DAB2: variants seen among roughly 807,000 people sequenced by gnomAD.
The protein encoded by DAB2 is DAB adaptor protein 2.
DAB2 carries 28 observed loss-of-function variants against 71.6 expected under a neutral mutation model. That is an observed-to-expected ratio of 0.39 (90% CI 0.29 to 0.54). The LOEUF is 0.54. DAB2 is among the 20% of genes least tolerant of loss of function. The pLI is 0.68. For synonymous variants in DAB2, 345 were observed against 339.7 expected (o/e 1.02, Z -0.17); for missense variants, 867 against 928.8 (o/e 0.93, Z 0.86).
At position 39,424,912 on chromosome 5, in the gene DAB2, A is replaced by AG. The variant is rs1480139136; in HGVS notation, c.-211dup. The AG allele has an allele frequency of 1.3e-5, 2 of 152,262 alleles. No homozygotes were observed. The highest frequency in any genetic ancestry group is 4.8e-5 in the African/African-American group (2 of 41,310). 9.4% of individuals were successfully genotyped at this position (152,262 alleles called of 1,614,324 possible). On this transcript the variant is annotated 5_prime_UTR_variant, in exon 1 of 15. Coordinates refer to ENST00000320816, the MANE Select transcript of DAB2 (RefSeq NM_001343.4). Reference sequence around the variant, plus strand: ...CTCGCTTAAATAGCCGCCGGCCGGGAGCTTCGGAGCCGCGCGGCCACTCCC... The same window carrying AG: ...CTCGCTTAAATAGCCGCCGGCCGGGAGGCTTCGGAGCCGCGCGGCCACTCCC...
At chr5:39,376,419 T>A (rs1033231520) in intron 12 of DAB2, among the ~76,000 whole-genome samples, 4 of 152,124 alleles carry the variant, frequency 2.6e-5, no homozygotes, top group African/African-American at 7.2e-5. Context: ...GGCAGCCCTT[T>A]TAAGATTTAT....
At position 39,389,800 on chromosome 5, in the gene DAB2, C is replaced by A; in HGVS notation, c.543+52G>T. The A allele has an allele frequency of 1.1e-5, 12 of 1,073,236 alleles. No homozygotes were observed. The South Asian group carries it at 1.7e-4, about 15-fold the overall frequency. 66.5% of individuals were successfully genotyped at this position (1,073,236 alleles called of 1,614,324 possible). A position where few individuals can be genotyped will look rare whatever the true frequency, so the allele number is the denominator to read the frequency against. ...GTGCTGGGATTATAGGTGTGAGCCACCATGCCCAGCCAGTTTTAAATTTAA... is the reference window on the plus strand; with the variant it reads ...GTGCTGGGATTATAGGTGTGAGCCAACATGCCCAGCCAGTTTTAAATTTAA... On this transcript the variant is annotated intron_variant, in intron 6 of 14. Transcript: ENST00000320816.
At chr5:39,388,264 T>C in intron 9 of DAB2, 41 bp downstream of exon 9, 2 of 1,427,642 alleles carry the variant, frequency 1.4e-6, no homozygotes, top group Non-Finnish European at 2.0e-6. Flanking sequence ...GAGTTATAGA[T>C]GTCATTTTAT....
intron 1 of DAB2, among the ~76,000 whole-genome samples, chr5:39,411,215 T>C (rs752028175): frequency 2.6e-5 from 4 of 152,160 alleles, no homozygotes; most frequent in African/African-American, 4.8e-5. Context: ...CATATTTATA[T>C]TGAACTAAAA....
chr5:39,399,988 C>T (rs1260652113), intron 1 of DAB2, among the ~76,000 whole-genome samples: 1 of 152,124 alleles, frequency 6.6e-6, no homozygotes, highest in Non-Finnish European at 1.5e-5. Flanking sequence ...AAGTGTCAAC[C>T]ATCCTCCCCT....
chr5:39,399,888 T>C (rs1280818546), intron 1 of DAB2, among the ~76,000 whole-genome samples: 2 of 152,242 alleles, frequency 1.3e-5, no homozygotes, highest in African/African-American at 4.8e-5. Flanking sequence ...ACTTCTTATA[T>C]ATCCTTATCC....
chr5:39,405,635 G>A (rs146746092), intron 1 of DAB2, among the ~76,000 whole-genome samples: 6 of 152,316 alleles, frequency 3.9e-5, no homozygotes, highest in African/African-American at 9.6e-5. Context: ...ACAGTCTAGC[G>A]CATAGCATGC....
intron 1 of DAB2, among the ~76,000 whole-genome samples, chr5:39,405,438 T>C (rs2112088550): frequency 6.6e-6 from 1 of 152,332 alleles, no homozygotes; most frequent in Admixed American, 6.5e-5. Flanking sequence ...CATTGAAACT[T>C]CAGGGAAACT....
chr5:39,381,538 C>T lies in DAB2; in HGVS notation c.1420G>A (p.Gly474Arg), dbSNP rs780856259. The T allele has an allele frequency of 3.1e-6, 5 of 1,614,084 alleles. No homozygotes were observed. Among genetic ancestry groups the T allele is most frequent in the Admixed American group, 1.7e-5 (1 of 60,018 alleles). Residue 474 changes from glycine to arginine, a missense_variant, in exon 11 of 15, where the codon GGA becomes AGA. Around this residue, in one of 2 missense-constraint regions of DAB2, gnomAD observed 740 missense variants for 734.3 expected, o/e 1.01. Transcript: ENST00000320816. ...TTGGGCTGCAGGGCTGTAGGTTGTCCTGTGGGTGACGCCTGGCCTGAAGGT... is the reference window on the plus strand; with the variant it reads ...TTGGGCTGCAGGGCTGTAGGTTGTCTTGTGGGTGACGCCTGGCCTGAAGGT... ...SEPSGQASPT[G>R]QPTALQPNPL... is the part of the protein sequence containing the mutation.
At chr5:39,416,235 T>C (rs898453563) in intron 1 of DAB2, among the ~76,000 whole-genome samples, 4 of 152,136 alleles carry the variant, frequency 2.6e-5, no homozygotes, top group African/African-American at 4.8e-5. Context: ...TACTCCTTAA[T>C]ATATTTAAAA....
intron 1 of DAB2, among the ~76,000 whole-genome samples, chr5:39,396,651 T>C (rs1463216183): frequency 6.6e-6 from 1 of 152,244 alleles, no homozygotes; most frequent in Non-Finnish European, 1.5e-5. Context: ...AGGCAGTGAA[T>C]TATTCAGATG....
chr5:39,396,035 C>T (rs1006852846), intron 1 of DAB2, among the ~76,000 whole-genome samples: 6 of 149,288 alleles, frequency 4.0e-5, no homozygotes, highest in Admixed American at 6.7e-5. Flanking sequence ...CTCCACCTCC[C>T]GGGTTCAAGC....
intron 1 of DAB2, among the ~76,000 whole-genome samples, chr5:39,398,034 G>A (rs62358420): frequency 0.028 from 4,189 of 152,282 alleles, 86 homozygotes; most frequent in South Asian, 0.086. Context: ...TAGAATCACT[G>A]GCTGAAAAAG....
At chr5:39,389,011 G>A (rs1263010033) in intron 7 of DAB2, 86 bp downstream of exon 7, 10 of 1,366,488 alleles carry the variant, frequency 7.3e-6, no homozygotes, top group African/African-American at 7.2e-5. Context: ...TAATAAGCGA[G>A]GTGGCGAGAG....
chr5:39,386,783 C>T (rs1044170180), intron 9 of DAB2, among the ~76,000 whole-genome samples: 1 of 152,142 alleles, frequency 6.6e-6, no homozygotes, highest in Non-Finnish European at 1.5e-5. Context: ...TTGAATATTA[C>T]TTGTTTGAAT....
intron 1 of DAB2, chr5:39,417,272 T>C (rs1480563041): frequency 6.6e-6 from 1 of 150,852 alleles, no homozygotes; most frequent in African/African-American, 2.4e-5. Context: ...GTTCTCCACA[T>C]GTACCCCAGA....
chr5:39,395,448 C>G (rs983376267), intron 1 of DAB2, among the ~76,000 whole-genome samples: 1 of 152,156 alleles, frequency 6.6e-6, no homozygotes, highest in Admixed American at 6.5e-5. Context: ...AAGGACCAAG[C>G]CCACCACATG....
chr5:39,420,203 A>G (rs1755948064), intron 1 of DAB2, among the ~76,000 whole-genome samples: 1 of 152,246 alleles, frequency 6.6e-6, no homozygotes, highest in Admixed American at 6.5e-5. Context: ...TCCAATTTTG[A>G]AAGACTGAAT....
At chr5:39,414,633 G>T (rs1755807075) in intron 1 of DAB2, among the ~76,000 whole-genome samples, 1 of 150,256 alleles carries the variant, frequency 6.7e-6, no homozygotes, top group Admixed American at 6.6e-5. Context: ...CAGCTTGTCT[G>T]CCTTCCTCAG....
Sources: gnomAD v4.1 joint callset for allele counts (sites outside exome capture counted in the v4.1 genomes callset) on GRCh38, gnomAD v4.1.1 for gene constraint, gnomAD v4.1.1 regional missense constraint, MANE v1.5 for transcripts, NCBI Gene and HGNC (gene_info 2026-07-23, HGNC 2026-07-21) for gene names.